The following GLYATL2 variants were observed in gnomAD, a reference collection of about 807,000 sequenced individuals.
The protein encoded by GLYATL2 is glycine-N-acyltransferase like 2, also known as glycine N-acyltransferase-like protein 2.
In GLYATL2, 25 loss-of-function variants were observed where a neutral mutation model predicts 21.4. That is an observed-to-expected ratio of 1.17 (90% confidence interval 0.85 to 1.63). GLYATL2 has a LOEUF of 1.63. Among genes scored for constraint, GLYATL2 ranks in the 40% most tolerant of loss-of-function variants. The pLI, the probability that GLYATL2 is intolerant of heterozygous loss-of-function variation, is 0.00. For missense variants in GLYATL2, 361 were observed against 343.3 expected, an observed-to-expected ratio of 1.05 and a Z score of -0.41; for synonymous variants, 114 against 118.2, an observed-to-expected ratio of 0.96 and a Z score of 0.23.
intron 1 of GLYATL2, among the ~76,000 whole-genome samples, chr11:58,876,000 T>C (rs1171481119): frequency 6.6e-6 from 1 of 152,210 alleles, no homozygotes; most frequent in Non-Finnish European, 1.5e-5. Flanking sequence ...TTTTTATTCT[T>C]TTTTCTCTAA....
intron 1 of GLYATL2, among the ~76,000 whole-genome samples, chr11:58,882,322 T>C (rs11229678): frequency 1.3e-5 from 2 of 152,324 alleles, no homozygotes; most frequent in East Asian, 3.9e-4. Context: ...AGCATTTCTC[T>C]GATGACCAGT....
rs140644520 is a variant in GLYATL2 at position 58,839,575 on chromosome 11, A to G, written c.38T>C (p.Leu13Pro). Residue 13 changes from leucine (L) to proline (P), a missense_variant, in exon 2 of 6, where the codon CTG becomes CCG. Physicochemically the swap from Leu to Pro is moderately conservative, Grantham distance 98 (BLOSUM62 -3). Transcript: ENST00000287275. ...VLHNSQKLQI[L>P]YKSLEKSIPE... ...GATGCTCTTTTCTAAGGATTTATAC[A>G]GAATCTGCAGCTTCTGAGAGTTATG... The G allele has an allele frequency of 1.1e-4, 173 of 1,611,840 alleles. No individual in the cohort carries two copies. The highest frequency in any genetic ancestry group is 5.0e-4 in the Middle Eastern group (3 of 6,046).
In GLYATL2 at chr11:58,837,386, A is replaced by G; in HGVS notation, c.198T>C (p.Asp66=). 1.2e-5 allele frequency: 20 copies of G among 1,612,942 alleles called. No individual in the cohort carries two copies. The highest frequency in any genetic ancestry group is 1.7e-5 in the Non-Finnish European group (20 of 1,179,146). Residue 66 remains aspartate (D), a synonymous_variant, in exon 4 of 6, where the codon GAT becomes GAC. Coordinates refer to ENST00000287275, the MANE Select transcript of GLYATL2 (RefSeq NM_145016.4). ...ITRPQKQEMK[D]DQDHYTNTYH... ...AAGTGTTGGTATAATGATCCTGGTC[A>G]TCTTTCATCTCCTGATATAACAAAT...
upstream of GLYATL2, among the ~76,000 whole-genome samples, chr11:58,848,332 G>T (rs1943296): frequency 0.89 from 134,554 of 151,752 alleles, 60,823 homozygotes; most frequent in Non-Finnish European, 0.98. Flanking sequence ...TGAGAAGAAT[G>T]GGACCTCACC....
intron 1 of GLYATL2, among the ~76,000 whole-genome samples, chr11:58,891,918 GT>G (rs1854551053): frequency 6.6e-6 from 1 of 152,184 alleles, no homozygotes; most frequent in East Asian, 1.9e-4. Flanking sequence ...AGAAAGAAAG[GT>G]GAGGCATCTT....
At chr11:58,841,048 A>T (rs1590715540) in intron 1 of GLYATL2, among the ~76,000 whole-genome samples, 1 of 152,132 alleles carries the variant, frequency 6.6e-6, no homozygotes, top group East Asian at 1.9e-4. Flanking sequence ...GGCTGACAAT[A>T]TATATAAATA....
intron 1 of GLYATL2, among the ~76,000 whole-genome samples, chr11:58,873,328 T>C (rs1193410130): frequency 6.6e-6 from 1 of 151,990 alleles, no homozygotes; most frequent in East Asian, 1.9e-4. Flanking sequence ...CTATGTTGAA[T>C]AGGAGTGGTG....
chr11:58,883,681 A>G (rs937437137), intron 1 of GLYATL2, among the ~76,000 whole-genome samples: 2 of 152,188 alleles, frequency 1.3e-5, no homozygotes, highest in Non-Finnish European at 2.9e-5. Context: ...TATTCCAATC[A>G]ATAAAAAAAG....
At chr11:58,901,625 A>C (rs1318406496) in intron 1 of GLYATL2, among the ~76,000 whole-genome samples, 1 of 150,954 alleles carries the variant, frequency 6.6e-6, no homozygotes, top group Admixed American at 6.6e-5. Flanking sequence ...GTCTCCCTGC[A>C]AGATCCTAAG....
upstream of GLYATL2, among the ~76,000 whole-genome samples, chr11:58,846,075 A>G (rs1258156627): frequency 6.6e-6 from 1 of 152,236 alleles, no homozygotes; most frequent in Admixed American, 6.5e-5. Flanking sequence ...TTATAGAGTT[A>G]TACAGTAAAC....
At chr11:58,871,783 C>T (rs998652067) in intron 1 of GLYATL2, among the ~76,000 whole-genome samples, 1 of 152,082 alleles carries the variant, frequency 6.6e-6, no homozygotes, top group African/African-American at 2.4e-5. Flanking sequence ...ATTTATAATC[C>T]TTTGGGTATA....
intron 1 of GLYATL2, among the ~76,000 whole-genome samples, chr11:58,861,256 T>C (rs1853925973): frequency 6.6e-6 from 1 of 151,946 alleles, no homozygotes; most frequent in Admixed American, 6.6e-5. Flanking sequence ...TTTTTACTTA[T>C]TTAACGTCCT....
chr11:58,892,725 A>G (rs1854566075), intron 1 of GLYATL2: 2 of 348,462 alleles, frequency 5.7e-6, no homozygotes, highest in South Asian at 1.4e-4. Flanking sequence ...GTGAAGGTAG[A>G]GCATTCAAGA....
At chr11:58,904,077 C>T (rs912152046) in intron 1 of GLYATL2, 3 of 152,148 alleles carry the variant, frequency 2.0e-5, no homozygotes, top group Non-Finnish European at 4.4e-5. Flanking sequence ...ATGGAAAACC[C>T]CATTCACAAG....
intron 1 of GLYATL2, among the ~76,000 whole-genome samples, chr11:58,840,093 G>T (rs1239344899): frequency 1.4e-5 from 2 of 146,554 alleles, no homozygotes; most frequent in South Asian, 2.3e-4. Context: ...TATCAAGAAA[G>T]AATATAATCT....
chr11:58,874,300 C>A (rs1223504332), intron 1 of GLYATL2, among the ~76,000 whole-genome samples: 2 of 152,122 alleles, frequency 1.3e-5, no homozygotes, highest in African/African-American at 4.8e-5. Context: ...CAGTTCTGCT[C>A]TGATCTTAGT....
Position 58,868,914 on chromosome 11 carries a change from A to G in GLYATL2, n.61-30546T>C, listed in dbSNP as rs577440430. On this transcript the variant is annotated intron_variant and non_coding_transcript_variant, in intron 1 of 4. Transcript: ENST00000533636. Reference sequence around the variant, plus strand: ...GGATTTTCCACTTGTGGGTTAAACAAGCCCAACTGATGAAGAGAGGGAAGT... The same window carrying G: ...GGATTTTCCACTTGTGGGTTAAACAGGCCCAACTGATGAAGAGAGGGAAGT... Among the ~76,000 whole-genome samples, 2 of 149,328 alleles carry G rather than the reference A, an allele frequency of 1.3e-5. 1 individual carries two copies. Among genetic ancestry groups the G allele is most frequent in the East Asian group, 4.4e-4 (2 of 4,506 alleles).
chr11:58,849,301 T>A (rs1258950693), upstream of GLYATL2, among the ~76,000 whole-genome samples: 1 of 152,176 alleles, frequency 6.6e-6, no homozygotes, highest in African/African-American at 2.4e-5. Context: ...ATTATAACGC[T>A]GTTAACTGTG....
At chr11:58,853,642 G>A (rs1273537192) in intron 1 of GLYATL2, among the ~76,000 whole-genome samples, 1 of 152,086 alleles carries the variant, frequency 6.6e-6, no homozygotes, top group African/African-American at 2.4e-5. Context: ...ACAAATCTAT[G>A]TCCTTATATT....
Sources: allele counts gnomAD v4.1 joint callset (sites outside exome capture counted in the v4.1 genomes callset), GRCh38; gene constraint gnomAD v4.1.1; transcripts MANE v1.5; gene names NCBI Gene and HGNC (gene_info 2026-07-23, HGNC 2026-07-21).